SLC25A26: variants seen among roughly 807,000 people sequenced by gnomAD.
The protein encoded by SLC25A26 is mitochondrial S-adenosylmethionine carrier protein.
SLC25A26 carries 36 observed loss-of-function variants against 37.8 expected under a neutral mutation model. That is an observed-to-expected ratio of 0.95 (90% CI 0.73 to 1.26). SLC25A26 has a LOEUF of 1.26. Ranked by LOEUF, SLC25A26 falls within the 50% of genes most tolerant of loss-of-function variation. The pLI is 0.00. For synonymous variants in SLC25A26, 129 were observed against 122.5 expected (o/e 1.05, Z -0.35); for missense variants, 390 against 331.1 (o/e 1.18, Z -1.38).
rs139353510 is a variant in SLC25A26, at chr3:66,375,841, T to G, written c.708-1849T>G. 8.9e-3 allele frequency among the ~76,000 whole-genome samples: 1,353 copies of G among 152,074 alleles called. 29 individuals carry two copies. Among genetic ancestry groups the G allele is most frequent in the African/African-American group, 0.031 (1,305 of 41,446 alleles). Reference sequence around the variant, plus strand: ...AAGGAGTTACTTTAACTTTCAGGTTTTATTAAATTTCATAAGGCTACAGCT... The same window carrying G: ...AAGGAGTTACTTTAACTTTCAGGTTGTATTAAATTTCATAAGGCTACAGCT... On this transcript the variant is annotated intron_variant, in intron 9 of 9. Transcript: ENST00000354883.
At chr3:66,138,620 A>G (rs915050396) in intron 1 of SLC25A26, among the ~76,000 whole-genome samples, 2 of 122,128 alleles carry the variant, frequency 1.6e-5, no homozygotes, top group African/African-American at 3.1e-5. Context: ...AAATCAGACA[A>G]TTTGGTGGGA....
chr3:66,245,271 A>C (rs1056781611), intron 3 of SLC25A26, among the ~76,000 whole-genome samples: 4 of 151,564 alleles, frequency 2.6e-5, no homozygotes, highest in African/African-American at 7.3e-5. Flanking sequence ...AAAAAAACAA[A>C]ACCTCAAAAC....
intron 1 of SLC25A26, among the ~76,000 whole-genome samples, chr3:66,213,428 C>G (rs1308858052): frequency 9.0e-6 from 1 of 110,536 alleles, no homozygotes; most frequent in African/African-American, 3.6e-5. Flanking sequence ...AAAAAAAAAG[C>G]CTAGTAAAAT....
At chr3:66,160,680 A>C (rs1473708956) in intron 1 of SLC25A26, among the ~76,000 whole-genome samples, 1 of 152,228 alleles carries the variant, frequency 6.6e-6, no homozygotes, top group Non-Finnish European at 1.5e-5. Context: ...CATGCCTGTA[A>C]TCCCAGCACT....
At chr3:66,290,681 A>G (rs750396552) in intron 5 of SLC25A26, among the ~76,000 whole-genome samples, 22 of 152,310 alleles carry the variant, frequency 1.4e-4, no homozygotes, top group South Asian at 2.1e-4. Flanking sequence ...ATCATGGTGG[A>G]TAAGCTTGTC....
At chr3:66,272,250 AC>A (rs1354830756) in intron 5 of SLC25A26, among the ~76,000 whole-genome samples, 4 of 152,124 alleles carry the variant, frequency 2.6e-5, no homozygotes, top group Non-Finnish European at 5.9e-5. Context: ...AGGGTCTCAT[AC>A]CAGTAAGGGA....
intron 2 of SLC25A26, among the ~76,000 whole-genome samples, chr3:66,239,126 C>G (rs187955803): frequency 6.6e-6 from 1 of 152,322 alleles, no homozygotes; most frequent in Admixed American, 6.5e-5. Flanking sequence ...ATTCCTTCTT[C>G]TACATCTTCT....
At chr3:66,249,824 A>T (rs990287512) in intron 3 of SLC25A26, among the ~76,000 whole-genome samples, 2 of 152,226 alleles carry the variant, frequency 1.3e-5, no homozygotes, top group Non-Finnish European at 2.9e-5. Context: ...GTATATAAAG[A>T]TGAATGAAGG....
chr3:66,251,830 TAG>T lies in SLC25A26; in HGVS notation c.300+8519_300+8520del, dbSNP rs142468312. Among the ~76,000 whole-genome samples the T allele has an allele frequency of 5.7e-3, 864 of 152,330 alleles. 6 individuals carry two copies. Among genetic ancestry groups the T allele is most frequent in the African/African-American group, 0.019 (789 of 41,562 alleles). On this transcript the variant is annotated intron_variant, in intron 3 of 9. Coordinates refer to ENST00000354883, the MANE Select transcript of SLC25A26 (RefSeq NM_001379210.1). Reference sequence around the variant, plus strand: ...TTGTATGGATTTTCTTTTTCTAATATAGTATGCAGTGTTAGTTCAGATGGTAT... The same window carrying T: ...TTGTATGGATTTTCTTTTTCTAATATTATGCAGTGTTAGTTCAGATGGTAT...
chr3:66,267,409 G>A (rs922632530), intron 5 of SLC25A26, among the ~76,000 whole-genome samples: 3 of 152,294 alleles, frequency 2.0e-5, no homozygotes, highest in Admixed American at 2.0e-4. Flanking sequence ...ACGAAGTGGG[G>A]TGTTTGCCTG....
chr3:66,162,438 A>T (rs534622488), intron 1 of SLC25A26, among the ~76,000 whole-genome samples: 1 of 151,854 alleles, frequency 6.6e-6, no homozygotes. Context: ...GGCATCGAAA[A>T]AAAGCAGAAT....
intron 5 of SLC25A26, among the ~76,000 whole-genome samples, chr3:66,295,038 TGG>T (rs2074850893): frequency 6.6e-6 from 1 of 152,220 alleles, no homozygotes; most frequent in South Asian, 2.1e-4. Context: ...TCATAAAAAC[TGG>T]TTGGATACAG....
intron 5 of SLC25A26, among the ~76,000 whole-genome samples, chr3:66,281,702 C>T (rs903617411): frequency 1.3e-4 from 20 of 151,900 alleles, no homozygotes; most frequent in African/African-American, 1.9e-4. Context: ...TTTTTTTGTT[C>T]GGTAATTATA....
chr3:66,318,170 C>T (rs553099402), intron 5 of SLC25A26, among the ~76,000 whole-genome samples: 1 of 152,296 alleles, frequency 6.6e-6, no homozygotes, highest in African/African-American at 2.4e-5. Context: ...GACAGATGTC[C>T]TGCCTCGCTG....
chr3:66,313,123 T>C (rs2075430460), intron 5 of SLC25A26, among the ~76,000 whole-genome samples: 1 of 152,216 alleles, frequency 6.6e-6, no homozygotes, highest in South Asian at 2.1e-4. Context: ...AGAAGCTCTT[T>C]AGTTTAATTA....
chr3:66,318,864 GGT>G (rs1302914131), intron 5 of SLC25A26, among the ~76,000 whole-genome samples: 1 of 151,832 alleles, frequency 6.6e-6, no homozygotes, highest in African/African-American at 2.4e-5. Context: ...TGCCCAGGCT[GGT>G]GTCTAACTCC....
At position 66,281,995 on chromosome 3, in the gene SLC25A26, C is replaced by CTTTTT. The variant is rs745763623; in HGVS notation, c.453+18616_453+18617insTTTTT. Among the ~76,000 whole-genome samples, 37 of 87,820 alleles carry CTTTTT rather than the reference C, an allele frequency of 4.2e-4. 2 individuals carry two copies. Among genetic ancestry groups the CTTTTT allele is most frequent in the Non-Finnish European group, 7.3e-4 (34 of 46,414 alleles). 57.6% of individuals were successfully genotyped at this position (87,820 alleles called of 152,430 possible). On this transcript the variant is annotated intron_variant, in intron 5 of 9. Coordinates refer to ENST00000354883, the MANE Select transcript of SLC25A26 (RefSeq NM_001379210.1). ...GCACCACCACACCCAACTGATTTTG[C>CTTTTT]ATTTTTTTTTTTTTTTTTTTTTTTT...
intron 5 of SLC25A26, among the ~76,000 whole-genome samples, chr3:66,295,562 C>T (rs149227880): frequency 2.1e-4 from 32 of 152,140 alleles, no homozygotes; most frequent in African/African-American, 6.5e-4. Flanking sequence ...CCACCAAGCC[C>T]AGCTAATTTT....
intron 1 of SLC25A26, among the ~76,000 whole-genome samples, chr3:66,177,912 T>G (rs536070914): frequency 1.1e-3 from 162 of 152,322 alleles, no homozygotes; most frequent in African/African-American, 3.6e-3. Flanking sequence ...TCTTTTATTC[T>G]ACATACAGAA....
Sources: allele counts gnomAD v4.1 joint callset (sites outside exome capture counted in the v4.1 genomes callset), GRCh38; gene constraint gnomAD v4.1.1; transcripts MANE v1.5; gene names NCBI Gene and HGNC (gene_info 2026-07-23, HGNC 2026-07-21).